JAK2: variants seen among roughly 807,000 people sequenced by gnomAD.
JAK2 encodes the protein tyrosine-protein kinase JAK2.
In JAK2, 86 loss-of-function variants were observed where a neutral mutation model predicts 139.3. The observed-to-expected ratio is 0.62, with a 90% CI of 0.52 to 0.74. The LOEUF (loss-of-function observed/expected upper bound fraction) is 0.74, where lower values mean the gene tolerates loss of function less well. Ranked by LOEUF, JAK2 falls within the 30% of genes least tolerant of loss-of-function variation. JAK2 has a pLI of 0.00. For missense variants in JAK2, 1,421 were observed against 1,360.3 expected, an observed-to-expected ratio of 1.04 and a Z score of -0.70; for synonymous variants, 490 against 437.7, an observed-to-expected ratio of 1.12 and a Z score of -1.49.
intron 6 of JAK2, among the ~76,000 whole-genome samples, chr9:5,051,731 G>T (rs1783025055): frequency 6.6e-6 from 1 of 152,106 alleles, no homozygotes; most frequent in African/African-American, 2.4e-5. Context: ...CATGAGTGTG[G>T]TTAAAGCTTC....
At chr9:5,086,871 C>A (rs942209982) in intron 19 of JAK2, among the ~76,000 whole-genome samples, 1 of 152,158 alleles carries the variant, frequency 6.6e-6, no homozygotes, top group Non-Finnish European at 1.5e-5. Context: ...TTGTATCAAG[C>A]GCGTTTAAAT....
intron 5 of JAK2, among the ~76,000 whole-genome samples, chr9:5,046,829 T>C (rs1416613498): frequency 6.6e-6 from 1 of 152,200 alleles, no homozygotes; most frequent in African/African-American, 2.4e-5. Context: ...TTTCTGTTGC[T>C]TTTACGGGTA....
At chr9:5,031,758 A>C (rs2130172542) in intron 4 of JAK2, among the ~76,000 whole-genome samples, 1 of 152,370 alleles carries the variant, frequency 6.6e-6, no homozygotes, top group Non-Finnish European at 1.5e-5. Context: ...TTTCCTCTTA[A>C]AATGAAAAGG....
intron 2 of JAK2, among the ~76,000 whole-genome samples, chr9:5,004,065 T>C (rs1368918734): frequency 6.6e-6 from 1 of 152,186 alleles, no homozygotes; most frequent in Admixed American, 6.5e-5. Flanking sequence ...CATTTTGTTA[T>C]ATGTATACAT....
intron 12 of JAK2, 45 bp from the exon 13 acceptor site, chr9:5,072,447 T>A: frequency 7.0e-7 from 1 of 1,430,808 alleles, no homozygotes. Flanking sequence ...CCTACTTCGT[T>A]CTCCATCTTT....
intron 10 of JAK2, among the ~76,000 whole-genome samples, chr9:5,067,423 A>T (rs1818644960): frequency 1.3e-5 from 2 of 152,228 alleles, no homozygotes; most frequent in South Asian, 4.1e-4. Context: ...AGAAGCTTGC[A>T]AATTTATCTT....
intron 8 of JAK2, among the ~76,000 whole-genome samples, chr9:5,060,971 G>C (rs1215398958): frequency 6.6e-6 from 1 of 152,216 alleles, no homozygotes; most frequent in African/African-American, 2.4e-5. Context: ...GAATATCCTT[G>C]TACATCTCTG....
chr9:5,085,742 G>A (rs574095766), intron 19 of JAK2: 16 of 752,984 alleles, frequency 2.1e-5, no homozygotes, highest in Non-Finnish European at 2.7e-5. Context: ...AGGCTGTGGC[G>A]CGCTGGCTAG....
chr9:5,112,083 G>A (rs796382423), intron 22 of JAK2: 4 of 381,208 alleles, frequency 1.0e-5, no homozygotes, highest in East Asian at 7.9e-5. Context: ...GAGTAAGATA[G>A]AAGACCACCT....
At chr9:5,011,815 C>T (rs968309763) in intron 2 of JAK2, among the ~76,000 whole-genome samples, 1 of 152,176 alleles carries the variant, frequency 6.6e-6, no homozygotes, top group African/African-American at 2.4e-5. Context: ...CCTGCGGAGG[C>T]TTGGTTTTAG....
intron 22 of JAK2, among the ~76,000 whole-genome samples, chr9:5,101,672 C>A (rs1163049806): frequency 6.6e-6 from 1 of 152,198 alleles, no homozygotes; most frequent in East Asian, 1.9e-4. Context: ...TGGGACGAAG[C>A]TTCCAGAGGA....
chr9:5,004,123 A>G (rs1821110859), intron 2 of JAK2, among the ~76,000 whole-genome samples: 1 of 152,228 alleles, frequency 6.6e-6, no homozygotes, highest in South Asian at 2.1e-4. Context: ...CACCTCACAT[A>G]CTTATCTTTT....
chr9:4,991,268 T>C (rs1231509271), intron 2 of JAK2, among the ~76,000 whole-genome samples: 1 of 152,236 alleles, frequency 6.6e-6, no homozygotes, highest in Admixed American at 6.5e-5. Context: ...GAATGGTCCA[T>C]GGGCTGTTTA....
At chr9:5,091,717 C>CTT (rs1820588182) in intron 22 of JAK2, 1 of 152,032 alleles carries the variant, frequency 6.6e-6, no homozygotes, top group East Asian at 1.9e-4. Context: ...CAAACTGGGT[C>CTT]TAGTAGAAGT....
rs1276491572 is a variant in JAK2 at position 5,080,568 on chromosome 9, T to C, written c.2319T>C (p.Pro773=). The change falls in exon 18 of 25, where the codon CCT becomes CCC. Residue 773 remains proline (P), a synonymous_variant. Transcript: ENST00000381652. ...TTTATGAAGATAGGCATCAGCTTCC[T>C]GCACCAAAGTGGGCAGAATTAGCAA... ...LQFYEDRHQL[P]APKWAELANL... is the part of the protein sequence containing the mutation. 6.3e-7 allele frequency: 1 copy of C among 1,598,900 alleles called. No individual in the cohort carries two copies. The highest frequency in any genetic ancestry group is 8.5e-7 in the Non-Finnish European group (1 of 1,176,290).
intron 4 of JAK2, chr9:5,041,157 T>A (rs1015412537): frequency 8.5e-6 from 10 of 1,176,388 alleles, no homozygotes; most frequent in Non-Finnish European, 1.2e-5. Context: ...ATCACGCGCA[T>A]GGATTATGTG....
chr9:5,065,056 TTAAAAG>T lies in JAK2; in HGVS notation c.1214+21_1214+26del, dbSNP rs1429491947. The T allele has an allele frequency of 9.4e-6, 14 of 1,494,702 alleles. No individual in the cohort carries two copies. The highest frequency in any genetic ancestry group is 1.3e-5 in the Non-Finnish European group (14 of 1,115,536). 92.6% of individuals were successfully genotyped at this position (1,494,702 alleles called of 1,614,324 possible). A position where few individuals can be genotyped will look rare whatever the true frequency, so the allele number is the denominator to read the frequency against. On this transcript the variant is annotated intron_variant, in intron 9 of 24. Transcript: ENST00000381652. Reference sequence around the variant, plus strand: ...GCCCAATTTCGTGAGTAATACAGACTTAAAAGTAAATTTTTAGAAAAGTAAATGCTG... The same window carrying T: ...GCCCAATTTCGTGAGTAATACAGACTTAAATTTTTAGAAAAGTAAATGCTG...
chr9:5,119,299 TGGAGG>T (rs1823439404), intron 22 of JAK2, among the ~76,000 whole-genome samples: 2 of 152,102 alleles, frequency 1.3e-5, no homozygotes, highest in Non-Finnish European at 2.9e-5. Context: ...AACAAATGCA[TGGAGG>T]TATGTTTATT....
chr9:5,091,125 CT>C (rs1401098319), intron 22 of JAK2: 32 of 394,542 alleles, frequency 8.1e-5, no homozygotes, highest in Admixed American at 2.6e-4. Context: ...TAAGTGTTGT[CT>C]TATTTATAGG....
Sources: allele counts gnomAD v4.1 joint callset (sites outside exome capture counted in the v4.1 genomes callset), GRCh38; gene constraint gnomAD v4.1.1; transcripts MANE v1.5; gene names NCBI Gene and HGNC (gene_info 2026-07-23, HGNC 2026-07-21).